The following AHCTF1 variants were observed in gnomAD, a reference collection of about 807,000 sequenced individuals.
AHCTF1 encodes the protein protein ELYS.
Under a neutral mutation model 248.4 loss-of-function variants are expected in AHCTF1, and 24 were observed. The observed-to-expected ratio is 0.10, with a 90% confidence interval of 0.07 to 0.14. The LOEUF is 0.14. Ranked by LOEUF, AHCTF1 falls within the 10% of genes least tolerant of loss-of-function variation. The probability of loss-of-function intolerance (pLI) is 1.00; values close to 1 mark genes in which losing one functional copy is unlikely to be tolerated. For missense variants in AHCTF1, 2,206 were observed against 2,636.2 expected, an observed-to-expected ratio of 0.84 and a Z score of 3.57; for synonymous variants, 786 against 929.8, an observed-to-expected ratio of 0.85 and a Z score of 2.81.
At chr1:246,868,971 A>T (rs543453026) in intron 24 of AHCTF1, among the ~76,000 whole-genome samples, 3 of 142,330 alleles carry the variant, frequency 2.1e-5, no homozygotes, top group African/African-American at 5.3e-5. Context: ...CAGCCTGCTG[A>T]GTAGCTGGGA....
chr1:246,880,885 T>C (rs1663351017), intron 21 of AHCTF1, among the ~76,000 whole-genome samples: 1 of 152,174 alleles, frequency 6.6e-6, no homozygotes, highest in Non-Finnish European at 1.5e-5. Context: ...AATAAGAAAA[T>C]TAATTTATGA....
intron 6 of AHCTF1, among the ~76,000 whole-genome samples, chr1:246,904,616 A>T (rs534010434): frequency 2.4e-3 from 370 of 152,314 alleles, no homozygotes; most frequent in Non-Finnish European, 4.2e-3. Flanking sequence ...AAATTTTTTT[A>T]AAATATGGAT....
Position 246,897,400 on chromosome 1 carries a change from T to C in AHCTF1, c.1623+808A>G, listed in dbSNP as rs553723051. Among the ~76,000 whole-genome samples, 11 of 152,274 alleles carry C rather than the reference T, an allele frequency of 7.2e-5. No homozygotes were observed. The South Asian group carries it at 1.9e-3, about 26-fold the overall frequency. On this transcript the variant is annotated intron_variant, in intron 12 of 35. Transcript: ENST00000648844. Reference sequence around the variant, plus strand: ...GCACACCTTGAAAGTTATGTAGATATCAAATAAATATACAAAAATGAATTG... The same window carrying C: ...GCACACCTTGAAAGTTATGTAGATACCAAATAAATATACAAAAATGAATTG...
At chr1:246,874,609 G>T (rs1662811822) in intron 24 of AHCTF1, among the ~76,000 whole-genome samples, 1 of 150,826 alleles carries the variant, frequency 6.6e-6, no homozygotes, top group South Asian at 2.1e-4. Context: ...CCTTCACCCT[G>T]TTTAACATTA....
chr1:246,903,189 G>C (rs1331629869), intron 7 of AHCTF1, among the ~76,000 whole-genome samples: 1 of 152,194 alleles, frequency 6.6e-6, no homozygotes, highest in Non-Finnish European at 1.5e-5. Flanking sequence ...GTCGGTTCTA[G>C]AGACAGGTAT....
intron 3 of AHCTF1, 113 bp from the exon 4 acceptor site, chr1:246,913,525 A>G (rs1572459050): frequency 2.0e-6 from 2 of 1,008,058 alleles, no homozygotes; most frequent in Admixed American, 3.1e-5. Context: ...AAGACTATAG[A>G]GTAAATTTGC....
At position 246,860,921 on chromosome 1, in the gene AHCTF1, A is replaced by G. The variant is rs761374481; in HGVS notation, c.4110T>C (p.Pro1370=). ...TACCCATTTGTTTCTGTAGGTCTGA[A>G]GGAGTTACTTCTGATGCAAATACAT... The part of the protein sequence containing the change: ...DKDVFASEVT[P]SDLQKQMGNL... The change falls in exon 29 of 36, where the codon CCT becomes CCC. Residue 1370 remains proline, a synonymous_variant. Transcript: ENST00000648844. The G allele has an allele frequency of 6.2e-7, 1 of 1,610,530 alleles. No individual in the cohort carries two copies. The highest frequency in any genetic ancestry group is 8.5e-7 in the Non-Finnish European group (1 of 1,176,978).
intron 4 of AHCTF1, among the ~76,000 whole-genome samples, chr1:246,908,725 A>G (rs1665573575): frequency 1.2e-5 from 1 of 85,338 alleles, no homozygotes; most frequent in African/African-American, 4.2e-5. Flanking sequence ...GTCTCTACTA[A>G]AAAAAAAAAA....
At chr1:246,849,584 G>A in intron 33 of AHCTF1, 31 bp downstream of exon 33, 1 of 1,563,988 alleles carries the variant, frequency 6.4e-7, no homozygotes. Context: ...TGACTGAGAT[G>A]AAAAACTGTT....
Position 246,899,475 on chromosome 1 carries a change from T to A in AHCTF1, c.1470A>T (p.Leu490Phe). ...CCTCCTTCTGAAAGCCAGTACAAGT[T>A]AAATGAACAACTCCCGAGTTTAACA... ...TCLLNSGVVH[L>F]TCTGFQKETL... The change falls in exon 11 of 36, where the codon TTA becomes TTT. Residue 490 changes from leucine (L) to phenylalanine (F), a missense_variant. Transcript: ENST00000648844. 1.2e-6 allele frequency: 2 copies of A among 1,609,592 alleles called. No individual in the cohort carries two copies.
chr1:246,894,846 G>A (rs922225746), intron 13 of AHCTF1, 98 bp from the exon 14 acceptor site: 8 of 975,914 alleles, frequency 8.2e-6, no homozygotes, highest in African/African-American at 3.2e-5. Flanking sequence ...CACCCTAACC[G>A]AGTGAACATC....
chr1:246,899,255 A>C (rs1664827648), intron 11 of AHCTF1, among the ~76,000 whole-genome samples, 196 bp downstream of exon 11: 2 of 152,196 alleles, frequency 1.3e-5, no homozygotes, highest in African/African-American at 4.8e-5. Context: ...TTAGTTGCTA[A>C]AAACATACAA....
At chr1:246,878,662 G>C in intron 21 of AHCTF1, among the ~76,000 whole-genome samples, 1 of 152,134 alleles carries the variant, frequency 6.6e-6, no homozygotes, top group East Asian at 1.9e-4. Flanking sequence ...CAACTTCCAA[G>C]GCAGAATAAA....
At chr1:246,868,128 A>T (rs1662152112) in intron 24 of AHCTF1, among the ~76,000 whole-genome samples, 1 of 133,814 alleles carries the variant, frequency 7.5e-6, no homozygotes, top group Non-Finnish European at 1.6e-5. Context: ...AGCCCGGCTA[A>T]TTTTTTTTTT....
intron 6 of AHCTF1, 51 bp downstream of exon 6, chr1:246,905,490 C>A (rs779243360): frequency 6.9e-7 from 1 of 1,457,980 alleles, no homozygotes; most frequent in South Asian, 1.1e-5. Context: ...GAGCGAGACT[C>A]TGTCTCCAAA....
intron 24 of AHCTF1, among the ~76,000 whole-genome samples, chr1:246,868,181 T>G (rs1572389168): frequency 6.8e-6 from 1 of 148,014 alleles, no homozygotes; most frequent in Admixed American, 6.8e-5. Context: ...CAGGCTGGAG[T>G]GCAGTGGCAC....
chr1:246,890,189 G>T (rs1480463146), intron 16 of AHCTF1, 130 bp from the exon 17 acceptor site: 8 of 552,112 alleles, frequency 1.4e-5, no homozygotes, highest in Non-Finnish European at 9.4e-6. Flanking sequence ...GTATATTTAG[G>T]TAATAAAAGA....
chr1:246,899,037 C>T (rs12739603), intron 11 of AHCTF1, among the ~76,000 whole-genome samples: 29,894 of 152,104 alleles, frequency 0.2, 3,250 homozygotes, highest in Admixed American at 0.24. Flanking sequence ...TGCAATGAGC[C>T]GAGATGGTGT....
chr1:246,850,744 T>C lies in AHCTF1; in HGVS notation c.5262A>G (p.Ala1754=). ...QRIQNVNVKS[A]QQEASADVAT... ...CAACATCTGCTGATGCTTCCTGTTG[T>C]GCTGATTTGACATTCACGTTTTGGA... is the stretch of plus-strand genomic sequence containing the variant. Residue 1754 remains alanine, a synonymous_variant, in exon 33 of 36, where the codon GCA becomes GCG. Transcript: ENST00000648844. 1.2e-6 allele frequency: 2 copies of C among 1,613,924 alleles called. No individual in the cohort carries two copies. Among genetic ancestry groups the C allele is most frequent in the Non-Finnish European group, 1.7e-6 (2 of 1,179,856 alleles).
Sources: allele counts gnomAD v4.1 joint callset (sites outside exome capture counted in the v4.1 genomes callset), GRCh38; gene constraint gnomAD v4.1.1; transcripts MANE v1.5; gene names NCBI Gene and HGNC (gene_info 2026-07-23, HGNC 2026-07-21).